Variants in PPP1R21 observed in about 807,000 individuals in gnomAD.
PPP1R21 encodes KLRAQ motif containing 1.
In PPP1R21, 85 loss-of-function variants were observed where a neutral mutation model predicts 112.8. The observed-to-expected ratio is 0.75, with a 90% confidence interval of 0.63 to 0.90. The LOEUF is 0.90. Among genes scored for constraint, PPP1R21 ranks in the 40% least tolerant of loss-of-function variants. The pLI is 0.00. For synonymous variants in PPP1R21, 381 were observed against 322.3 expected, an observed-to-expected ratio of 1.18 and a Z score of -1.95; for missense variants, 1,199 against 901.5, an observed-to-expected ratio of 1.33 and a Z score of -4.23.
intron 1 of PPP1R21, among the ~76,000 whole-genome samples, chr2:48,447,191 G>A (rs745753384): frequency 3.2e-4 from 48 of 152,310 alleles, no homozygotes; most frequent in Middle Eastern, 6.8e-3. Flanking sequence ...TCTATGGGCC[G>A]TAGGGAGTCA....
chr2:48,504,630 G>C (rs780817140), intron 17 of PPP1R21, among the ~76,000 whole-genome samples: 4 of 151,504 alleles, frequency 2.6e-5, no homozygotes, highest in Non-Finnish European at 5.9e-5. Flanking sequence ...AACAGGGTGA[G>C]ACTCTGTCTC....
At position 48,498,604 on chromosome 2, in the gene PPP1R21, G is replaced by C. The variant is rs372560729; in HGVS notation, c.1804G>C (p.Asp602His). 9.3e-6 allele frequency: 15 copies of C among 1,614,122 alleles called. No individual in the cohort carries two copies. In the African/African-American group the frequency reaches 1.5e-4, roughly 16 times the overall value. ...AGAGAAAGAAAACCAGCGAATTGCAGATAAGCTGAAGAATACAGGTAGTGC... is the reference window on the plus strand; with the variant it reads ...AGAGAAAGAAAACCAGCGAATTGCACATAAGCTGAAGAATACAGGTAGTGC... ...KLEKENQRIADKLKNTGSAQL... is the reference protein window; with the variant it reads ...KLEKENQRIAHKLKNTGSAQL... The change falls in exon 17 of 22, where the codon GAT becomes CAT. Residue 602 changes from aspartate (D) to histidine (H), a missense_variant. Coordinates refer to ENST00000294952, the MANE Select transcript of PPP1R21 (RefSeq NM_001135629.3).
intron 7 of PPP1R21, among the ~76,000 whole-genome samples, chr2:48,464,223 A>C (rs756251728): frequency 1.3e-5 from 2 of 152,180 alleles, no homozygotes; most frequent in Admixed American, 1.3e-4. Context: ...GTAGCAATGG[A>C]GACATAAAAG....
intron 2 of PPP1R21, among the ~76,000 whole-genome samples, chr2:48,454,162 G>A (rs910067924): frequency 6.6e-6 from 1 of 152,166 alleles, no homozygotes; most frequent in Non-Finnish European, 1.5e-5. Context: ...TCGGGAGGCT[G>A]AGGCATGAGA....
chr2:48,441,559 A>T (rs1558404090), intron 1 of PPP1R21: 1 of 166,698 alleles, frequency 6.0e-6, no homozygotes, highest in Non-Finnish European at 1.3e-5. Context: ...GTCAGGAATG[A>T]TTTTGAAAGC....
At chr2:48,474,230 A>G (rs537437275) in intron 11 of PPP1R21, among the ~76,000 whole-genome samples, 10 of 152,240 alleles carry the variant, frequency 6.6e-5, no homozygotes, top group African/African-American at 1.9e-4. Context: ...TGAAAGTACA[A>G]AAATTAGCCG....
chr2:48,508,373 C>G (rs907160686), intron 19 of PPP1R21, among the ~76,000 whole-genome samples: 1 of 152,090 alleles, frequency 6.6e-6, no homozygotes, highest in African/African-American at 2.4e-5. Flanking sequence ...TTGATTTTCT[C>G]TTATACTAGA....
chr2:48,499,463 C>T (rs1669999625), intron 17 of PPP1R21, among the ~76,000 whole-genome samples: 1 of 152,146 alleles, frequency 6.6e-6, no homozygotes, highest in South Asian at 2.1e-4. Flanking sequence ...TGGCTTATGC[C>T]TGTAACTCCA....
chr2:48,462,493 G>A (rs559436818), intron 7 of PPP1R21, among the ~76,000 whole-genome samples: 1 of 152,306 alleles, frequency 6.6e-6, no homozygotes, highest in Admixed American at 6.5e-5. Context: ...GCCTGGATAT[G>A]TGAGCAGGTT....
intron 13 of PPP1R21, among the ~76,000 whole-genome samples, chr2:48,481,217 G>A (rs1041739944): frequency 1.1e-4 from 16 of 152,192 alleles, no homozygotes; most frequent in African/African-American, 2.7e-4. Flanking sequence ...TTGAACTCCT[G>A]ACATCAGGTG....
At chr2:48,489,464 T>A (rs1669457891) in intron 14 of PPP1R21, among the ~76,000 whole-genome samples, 1 of 150,444 alleles carries the variant, frequency 6.6e-6, no homozygotes, top group Non-Finnish European at 1.5e-5. Flanking sequence ...TACCTCGGTC[T>A]CCCAAGTAGC....
intron 21 of PPP1R21, among the ~76,000 whole-genome samples, chr2:48,512,562 T>G (rs1338625326): frequency 1.3e-5 from 2 of 152,064 alleles, no homozygotes; most frequent in African/African-American, 4.8e-5. Flanking sequence ...GCATCTGCTG[T>G]TGGTGTTAAG....
intron 13 of PPP1R21, among the ~76,000 whole-genome samples, chr2:48,482,128 G>C (rs1411014147): frequency 1.3e-5 from 2 of 152,172 alleles, no homozygotes; most frequent in Non-Finnish European, 2.9e-5. Context: ...TTGGTTGATA[G>C]GTTGGTCTCA....
At chr2:48,490,887 G>T (rs558985190) in intron 14 of PPP1R21, 131 bp from the exon 15 acceptor site, 1 of 708,934 alleles carries the variant, frequency 1.4e-6, no homozygotes, top group Admixed American at 2.6e-5. Context: ...GTGGACTTTG[G>T]GGCAGGTGTT....
intron 9 of PPP1R21, among the ~76,000 whole-genome samples, chr2:48,470,790 C>G (rs1009180328): frequency 6.6e-6 from 1 of 152,164 alleles, no homozygotes; most frequent in Non-Finnish European, 1.5e-5. Flanking sequence ...TATTCGCTCC[C>G]TATTTCCTCT....
intron 14 of PPP1R21, among the ~76,000 whole-genome samples, chr2:48,487,278 G>C (rs943293937): frequency 6.6e-6 from 1 of 152,090 alleles, no homozygotes; most frequent in African/African-American, 2.4e-5. Context: ...TTTCCTTCTA[G>C]TGTTTTTGTA....
At chr2:48,454,532 T>C (rs767673364) in intron 2 of PPP1R21, 63 bp from the exon 3 acceptor site, 3 of 1,574,028 alleles carry the variant, frequency 1.9e-6, no homozygotes, top group Admixed American at 3.5e-5. Context: ...AAATAATTTT[T>C]AATAAAATTT....
At chr2:48,453,613 A>T (rs1245683367) in intron 2 of PPP1R21, among the ~76,000 whole-genome samples, 1 of 152,242 alleles carries the variant, frequency 6.6e-6, no homozygotes, top group East Asian at 1.9e-4. Context: ...GAGTGAAACT[A>T]AATATTTCTC....
chr2:48,476,134 C>T (rs1181036076), intron 12 of PPP1R21, among the ~76,000 whole-genome samples: 2 of 152,102 alleles, frequency 1.3e-5, no homozygotes, highest in South Asian at 2.1e-4. Flanking sequence ...CTCCCTAGCC[C>T]GTAAACCCTA....
Sources: allele counts gnomAD v4.1 joint callset (sites outside exome capture counted in the v4.1 genomes callset), GRCh38; gene constraint gnomAD v4.1.1; transcripts MANE v1.5; gene names NCBI Gene and HGNC (gene_info 2026-07-23, HGNC 2026-07-21).